Variants in METTL8 observed in about 807,000 individuals in gnomAD.
METTL8 encodes the protein tRNA N(3)-cytidine methyltransferase METTL8, mitochondrial.
METTL8 carries 32 observed loss-of-function variants against 48.7 expected under a neutral mutation model. The ratio of observed to expected loss-of-function variants is 0.66; its 90% CI spans 0.50 to 0.88. The LOEUF (loss-of-function observed/expected upper bound fraction) is 0.88, where lower values mean the gene tolerates loss of function less well. Among genes scored for constraint, METTL8 ranks in the 40% least tolerant of loss-of-function variants. The probability of loss-of-function intolerance (pLI) is 0.00; values close to 1 mark genes in which losing one functional copy is unlikely to be tolerated. For synonymous variants in METTL8, 136 were observed against 157.1 expected, an observed-to-expected ratio of 0.87 and a Z score of 1.01; for missense variants, 464 against 474.4, an observed-to-expected ratio of 0.98 and a Z score of 0.20.
chr2:171,383,353 T>C (rs1272990923), intron 2 of METTL8, among the ~76,000 whole-genome samples: 1 of 152,168 alleles, frequency 6.6e-6, no homozygotes, highest in East Asian at 1.9e-4. Context: ...GTTTTTAAAC[T>C]GAAGGTCATA....
chr2:171,339,321 CATA>C lies in METTL8; in HGVS notation c.466_468del (p.Tyr156del). The C allele has an allele frequency of 6.2e-7, 1 of 1,612,870 alleles. No individual in the cohort carries two copies. The highest frequency in any genetic ancestry group is 1.1e-5 in the South Asian group (1 of 90,934). On this transcript the variant is annotated inframe_deletion, in exon 4 of 10. Coordinates refer to ENST00000375258, the MANE Select transcript of METTL8 (RefSeq NM_001321154.2). ...CCTTCTGAAGAACCAGAACTTTTCT[CATA>C]ATGATTTTTTTCATCAGGCACAGTA...
Position 171,326,096 on chromosome 2 carries a change from G to A in METTL8, c.913C>T (p.Leu305=). 2 of 1,549,738 alleles carry A rather than the reference G, an allele frequency of 1.3e-6. No individual in the cohort carries two copies. The highest frequency in any genetic ancestry group is 8.7e-7 in the Non-Finnish European group (1 of 1,146,040). The change falls in exon 8 of 10, where the codon CTG becomes TTG. Residue 305 remains leucine (L), a synonymous_variant. Coordinates refer to ENST00000375258, the MANE Select transcript of METTL8 (RefSeq NM_001321154.2). ...LSKLLKPGGM[L]LFRDYGRYDK... is the part of the protein sequence containing the mutation. Reference sequence around the variant, plus strand: ...TATCTTCCATAGTCTCGAAATAACAGCATTCCCCCAGGTTTCAGTAACTTG... The same window carrying A: ...TATCTTCCATAGTCTCGAAATAACAACATTCCCCCAGGTTTCAGTAACTTG...
At chr2:171,382,463 CA>C (rs1444718770) in intron 2 of METTL8, among the ~76,000 whole-genome samples, 1 of 152,084 alleles carries the variant, frequency 6.6e-6, no homozygotes, top group Non-Finnish European at 1.5e-5. Context: ...AATAGAAAAC[CA>C]AACACTGCAT....
Position 171,356,956 on chromosome 2 carries a change from T to TTTTTTTTTTG in METTL8, c.235+3465_235+3466insCAAAAAAAAA, listed in dbSNP as rs1559101824. On this transcript the variant is annotated intron_variant, in intron 3 of 9. Transcript: ENST00000375258. ...TTAGCCTTGTTCAAAGACAATATTT[T>TTTTTTTTTTG]TTTTTTTTTTTTTGAGACAGGGTCT... Among the ~76,000 whole-genome samples, 242 of 121,800 alleles carry TTTTTTTTTTG rather than the reference T, an allele frequency of 2.0e-3. 18 individuals are homozygous for TTTTTTTTTTG. In the East Asian group the frequency reaches 0.031, roughly 16 times the overall value. The allele number at this position is 121,800 out of a possible 152,430, so 79.9% of individuals were successfully genotyped here. A position where few individuals can be genotyped will look rare whatever the true frequency, so the allele number is the denominator to read the frequency against.
At chr2:171,371,409 T>G (rs1383189064) in intron 2 of METTL8, among the ~76,000 whole-genome samples, 1 of 152,210 alleles carries the variant, frequency 6.6e-6, no homozygotes, top group Admixed American at 6.5e-5. Context: ...CAGTTTGGAG[T>G]GCTGTGGCAC....
chr2:171,338,526 G>A (rs1320413355), intron 4 of METTL8, among the ~76,000 whole-genome samples: 1 of 151,898 alleles, frequency 6.6e-6, no homozygotes, highest in Non-Finnish European at 1.5e-5. Context: ...TGTAATCCCA[G>A]CTACTCAGGA....
Position 171,324,311 on chromosome 2 carries a change from A to G in METTL8, c.1085T>C (p.Leu362Pro). 2 of 1,551,702 alleles carry G rather than the reference A, an allele frequency of 1.3e-6. No homozygotes were observed. Among genetic ancestry groups the G allele is most frequent in the Non-Finnish European group, 1.7e-6 (2 of 1,147,008 alleles). ...ATTAACTTGTAAGCGGCGATCAACCAGATTTTGCTTTTCATCTAAACTGGC... is the reference window on the plus strand; with the variant it reads ...ATTAACTTGTAAGCGGCGATCAACCGGATTTTGCTTTTCATCTAAACTGGC... Reference protein sequence around the residue: ...CKASLDEKQNLVDRRLQVNRK... With the variant: ...CKASLDEKQNPVDRRLQVNRK... Residue 362 changes from leucine (L) to proline (P), a missense_variant, in exon 10 of 10, where the codon CTG (leucine) becomes CCG (proline). Transcript: ENST00000375258.
In METTL8 at chr2:171,375,674, T is replaced by A. The variant is rs201775174; in HGVS notation, c.144-15161A>T. Among the ~76,000 whole-genome samples the A allele has an allele frequency of 1.3e-4, 20 of 152,358 alleles. No homozygotes were observed. The East Asian group carries it at 3.9e-3, about 29-fold the overall frequency. ...GTTGTTTGCTTTCTTATTATTGAATTTTGGGAGTTTTAAATTTATTCTGAT... is the reference window on the plus strand; with the variant it reads ...GTTGTTTGCTTTCTTATTATTGAATATTGGGAGTTTTAAATTTATTCTGAT... On this transcript the variant is annotated intron_variant, in intron 2 of 9. Transcript: ENST00000375258.
intron 1 of METTL8, among the ~76,000 whole-genome samples, chr2:171,415,589 A>G (rs1400705723): frequency 6.6e-6 from 1 of 151,928 alleles, no homozygotes; most frequent in East Asian, 1.9e-4. Flanking sequence ...TGACCTTGTG[A>G]TCCACCCGCC....
rs116265667 is a variant in METTL8, at chr2:171,428,898, C to T, written c.-13+4985G>A. On this transcript the variant is annotated intron_variant, in intron 1 of 9. Transcript: ENST00000375258. ...AAAGTCAGCAAACATGTCAGAACCA[C>T]AAAAGCAAACATGAGGGATGGCCAA... Among the ~76,000 whole-genome samples the T allele has an allele frequency of 6.0e-3, 906 of 152,092 alleles. 7 individuals are homozygous for T. Among genetic ancestry groups the T allele is most frequent in the African/African-American group, 0.02 (848 of 41,466 alleles).
intron 2 of METTL8, among the ~76,000 whole-genome samples, chr2:171,374,463 G>A (rs905769832): frequency 1.3e-5 from 2 of 152,124 alleles, no homozygotes; most frequent in African/African-American, 4.8e-5. Context: ...ATTTTCCAAT[G>A]TATGGAAGTA....
chr2:171,416,947 T>A (rs1691374659), intron 1 of METTL8, among the ~76,000 whole-genome samples: 1 of 152,230 alleles, frequency 6.6e-6, no homozygotes, highest in Non-Finnish European at 1.5e-5. Context: ...CATGTTTCCA[T>A]AATACATCCC....
intron 2 of METTL8, among the ~76,000 whole-genome samples, chr2:171,376,337 G>C (rs929901534): frequency 1.3e-5 from 2 of 151,978 alleles, no homozygotes; most frequent in Admixed American, 1.3e-4. Context: ...CCTATCCTGA[G>C]TTCCTTTGGT....
chr2:171,392,914 T>C (rs751775376), intron 1 of METTL8, among the ~76,000 whole-genome samples: 3 of 146,726 alleles, frequency 2.0e-5, no homozygotes, highest in Non-Finnish European at 3.0e-5. Flanking sequence ...CTGGCCAACA[T>C]AGGAAAACCC....
chr2:171,408,296 G>GTTTT (rs373375150), intron 1 of METTL8, among the ~76,000 whole-genome samples: 1 of 127,230 alleles, frequency 7.9e-6, no homozygotes. Flanking sequence ...CAGTTTTTTT[G>GTTTT]TTTTTTTTTT....
intron 5 of METTL8, among the ~76,000 whole-genome samples, chr2:171,334,466 G>T (rs749819158): frequency 1.6e-4 from 25 of 152,138 alleles, no homozygotes; most frequent in Admixed American, 1.4e-3. Flanking sequence ...CTTGGCAGGG[G>T]TCTATGAATT....
intron 5 of METTL8, among the ~76,000 whole-genome samples, chr2:171,335,394 G>A (rs931868952): frequency 6.6e-6 from 1 of 152,046 alleles, no homozygotes; most frequent in Admixed American, 6.6e-5. Context: ...GAAATTCACT[G>A]TACTCTTTGC....
intron 1 of METTL8, among the ~76,000 whole-genome samples, chr2:171,394,245 T>G (rs1047137726): frequency 1.3e-5 from 2 of 152,162 alleles, no homozygotes; most frequent in African/African-American, 4.8e-5. Flanking sequence ...GAGTAGAAAT[T>G]GATTACACCT....
intron 5 of METTL8, among the ~76,000 whole-genome samples, chr2:171,336,178 C>T (rs1455448365): frequency 6.6e-6 from 1 of 152,016 alleles, no homozygotes; most frequent in East Asian, 1.9e-4. Flanking sequence ...TCACTGCAAC[C>T]TCCACCTCCT....
Sources: allele counts gnomAD v4.1 joint callset (sites outside exome capture counted in the v4.1 genomes callset), GRCh38; gene constraint gnomAD v4.1.1; transcripts MANE v1.5; gene names NCBI Gene and HGNC (gene_info 2026-07-23, HGNC 2026-07-21).